ADAMTS6: variants seen among roughly 807,000 people sequenced by gnomAD.
The protein encoded by ADAMTS6 is A disintegrin and metalloproteinase with thrombospondin motifs 6.
ADAMTS6 carries 23 observed loss-of-function variants against 144.3 expected under a neutral mutation model. That is an observed-to-expected ratio of 0.16 (90% confidence interval 0.11 to 0.23). The LOEUF (loss-of-function observed/expected upper bound fraction) is 0.23, where lower values mean the gene tolerates loss of function less well. Among genes scored for constraint, ADAMTS6 ranks in the 10% least tolerant of loss-of-function variants. The pLI is 1.00. For synonymous variants in ADAMTS6, 444 were observed against 457.5 expected (o/e 0.97, Z 0.38); for missense variants, 999 against 1,379.6 (o/e 0.72, Z 4.37).
intron 9 of ADAMTS6, among the ~76,000 whole-genome samples, chr5:65,306,322 T>G (rs974271214): frequency 2.6e-5 from 4 of 152,202 alleles, no homozygotes; most frequent in Non-Finnish European, 4.4e-5. Context: ...AAGGACACTC[T>G]TAAGTGAAAA....
rs1761313129 is a variant in ADAMTS6 at position 65,262,806 on chromosome 5, T to A, written c.1766+11A>T. ...TCTTTTTGTTGGCTCCGGCTTACTT[T>A]AGCTACTTACGCTGGACTGTCACAG... On this transcript the variant is annotated intron_variant, in intron 13 of 24. Coordinates refer to ENST00000381055, the MANE Select transcript of ADAMTS6 (RefSeq NM_197941.4). 2.7e-6 allele frequency: 4 copies of A among 1,493,350 alleles called. No homozygotes were observed. In the East Asian group the frequency reaches 9.9e-5, roughly 37 times the overall value. 92.5% of individuals were successfully genotyped at this position (1,493,350 alleles called of 1,614,324 possible). A position where few individuals can be genotyped will look rare whatever the true frequency, so the allele number is the denominator to read the frequency against.
At chr5:65,232,594 C>T (rs1434699211) in intron 15 of ADAMTS6, among the ~76,000 whole-genome samples, 1 of 149,596 alleles carries the variant, frequency 6.7e-6, no homozygotes, top group Non-Finnish European at 1.5e-5. Context: ...GTTAGATAAA[C>T]TAGAAGAAAT....
rs114152605 is a variant in ADAMTS6 at position 65,180,544 on chromosome 5, T to C, written c.2910+7472A>G. ...GATTTCTCTCCATCTCTACTGCCAC[T>C]AACCTTACTTCAGACAAACATCATT... On this transcript the variant is annotated intron_variant, in intron 22 of 24. Coordinates refer to ENST00000381055, the MANE Select transcript of ADAMTS6 (RefSeq NM_197941.4). 6.5e-3 allele frequency among the ~76,000 whole-genome samples: 997 copies of C among 152,276 alleles called. 13 individuals are homozygous for C. The highest frequency in any genetic ancestry group is 0.023 in the African/African-American group (952 of 41,572).
intron 7 of ADAMTS6, among the ~76,000 whole-genome samples, chr5:65,349,934 C>G (rs745690823): frequency 6.6e-5 from 10 of 151,808 alleles, no homozygotes; most frequent in Non-Finnish European, 1.5e-4. Context: ...GTCTTATAAA[C>G]AGAATTCATT....
chr5:65,340,077 A>G (rs1298395074), intron 7 of ADAMTS6, among the ~76,000 whole-genome samples: 1 of 152,168 alleles, frequency 6.6e-6, no homozygotes, highest in Non-Finnish European at 1.5e-5. Flanking sequence ...AGGCACACAT[A>G]GTCAAATTGT....
intron 7 of ADAMTS6, among the ~76,000 whole-genome samples, chr5:65,375,865 T>G (rs1343200367): frequency 6.6e-6 from 1 of 152,154 alleles, no homozygotes; most frequent in African/African-American, 2.4e-5. Context: ...CCAACCCAAA[T>G]GTCCAACAAT....
rs1044831665 is a variant in ADAMTS6, at chr5:65,481,401, A to G, written c.-338T>C. 6.6e-6 allele frequency: 1 copy of G among 151,588 alleles called. No individual in the cohort carries two copies. Among genetic ancestry groups the G allele is most frequent in the African/African-American group, 2.4e-5 (1 of 41,344 alleles). 9.4% of individuals were successfully genotyped at this position (151,588 alleles called of 1,614,324 possible). A position where few individuals can be genotyped will look rare whatever the true frequency, so the allele number is the denominator to read the frequency against. ...TTTCAGACAATAGAGATTGCACTGGACGACTCACGTACTCCCTCTCCTCTC... is the reference window on the plus strand; with the variant it reads ...TTTCAGACAATAGAGATTGCACTGGGCGACTCACGTACTCCCTCTCCTCTC... On this transcript the variant is annotated 5_prime_UTR_variant, in exon 1 of 25. Coordinates refer to ENST00000381055, the MANE Select transcript of ADAMTS6 (RefSeq NM_197941.4).
Position 65,197,101 on chromosome 5 carries a change from C to A in ADAMTS6, c.2626G>T (p.Val876Phe). 1 of 1,614,016 alleles carries A rather than the reference C, an allele frequency of 6.2e-7. No individual in the cohort carries two copies. Among genetic ancestry groups the A allele is most frequent in the Non-Finnish European group, 8.5e-7 (1 of 1,179,932 alleles). The change falls in exon 21 of 25, where the codon GTC becomes TTC. Residue 876 changes from valine (V) to phenylalanine (F), a missense_variant. This residue lies in a region of ADAMTS6 where 619 missense variants were observed against 837.0 expected (regional missense o/e 0.74). Coordinates refer to ENST00000381055, the MANE Select transcript of ADAMTS6 (RefSeq NM_197941.4). ...TCAGGATCACAGTAATTGTTCTGGACAATGGAGTTGTCATCCAACCTTTTA... is the reference window on the plus strand; with the variant it reads ...TCAGGATCACAGTAATTGTTCTGGAAAATGGAGTTGTCATCCAACCTTTTA... ...VCKRLDDNSI[V>F]QNNYCDPDSK... is the part of the protein sequence containing the mutation.
chr5:65,216,782 TACACACACAC>T (rs10584577), intron 18 of ADAMTS6, among the ~76,000 whole-genome samples: 3 of 148,522 alleles, frequency 2.0e-5, no homozygotes, highest in Admixed American at 6.7e-5. Context: ...TTACAAGAAA[TACACACACAC>T]ACACACACAC....
intron 7 of ADAMTS6, among the ~76,000 whole-genome samples, chr5:65,353,872 C>A (rs527297786): frequency 6.6e-5 from 10 of 151,936 alleles, no homozygotes; most frequent in Admixed American, 1.3e-4. Flanking sequence ...TGCAAAAAAA[C>A]CCAAAGCTTC....
intron 7 of ADAMTS6, among the ~76,000 whole-genome samples, chr5:65,360,674 T>C (rs17826365): frequency 0.017 from 2,524 of 152,268 alleles, 51 homozygotes; most frequent in South Asian, 0.047. Context: ...ATTGTATTTG[T>C]AATCCAAAAT....
intron 15 of ADAMTS6, among the ~76,000 whole-genome samples, chr5:65,231,008 G>A (rs1036931226): frequency 6.7e-6 from 1 of 150,254 alleles, no homozygotes; most frequent in Non-Finnish European, 1.5e-5. Flanking sequence ...AAAAACAATT[G>A]ACAAGATATA....
At chr5:65,213,825 T>C (rs529189552) in intron 20 of ADAMTS6, among the ~76,000 whole-genome samples, 20 of 152,282 alleles carry the variant, frequency 1.3e-4, no homozygotes, top group Non-Finnish European at 2.2e-4. Context: ...AGGTAATGTA[T>C]TGGATGATTT....
chr5:65,379,262 A>T (rs1461952445), intron 7 of ADAMTS6, among the ~76,000 whole-genome samples: 1 of 152,210 alleles, frequency 6.6e-6, no homozygotes, highest in African/African-American at 2.4e-5. Context: ...CCTTGAAGAC[A>T]TGGTGAATCC....
chr5:65,259,326 T>C (rs185071782), intron 14 of ADAMTS6, among the ~76,000 whole-genome samples: 152 of 152,106 alleles, frequency 1.0e-3, no homozygotes, highest in Non-Finnish European at 1.9e-3. Context: ...TGAGCCAAGA[T>C]GGCGCCACTG....
Position 65,225,055 on chromosome 5 carries a change from C to T in ADAMTS6, c.2068-8G>A. 1 of 1,612,520 alleles carries T rather than the reference C, an allele frequency of 6.2e-7. No individual in the cohort carries two copies. Among genetic ancestry groups the T allele is most frequent in the South Asian group, 1.1e-5 (1 of 90,760 alleles). Reference sequence around the variant, plus strand: ...ATTATCACAGCCTACGTGCTGAAAACAGAGAGGAATATTCAGTGTGTCAAG... The same window carrying T: ...ATTATCACAGCCTACGTGCTGAAAATAGAGAGGAATATTCAGTGTGTCAAG... On this transcript the variant is annotated splice_region_variant and splice_polypyrimidine_tract_variant and intron_variant, in intron 16 of 24. Coordinates refer to ENST00000381055, the MANE Select transcript of ADAMTS6 (RefSeq NM_197941.4).
In ADAMTS6 at chr5:65,419,495, C is replaced by G. The variant is rs143268171; in HGVS notation, c.1073+31980G>C. ...GAATCATTTGTACCCCAAACCTCAGCATCACACAATATACTCAGGCAACAA... is the reference window on the plus strand; with the variant it reads ...GAATCATTTGTACCCCAAACCTCAGGATCACACAATATACTCAGGCAACAA... On this transcript the variant is annotated intron_variant, in intron 7 of 24. Transcript: ENST00000381055. Among the ~76,000 whole-genome samples, 92 of 152,256 alleles carry G rather than the reference C, an allele frequency of 6.0e-4. No homozygotes were observed. The East Asian group carries it at 0.017, about 28-fold the overall frequency.
intron 20 of ADAMTS6, among the ~76,000 whole-genome samples, chr5:65,206,302 A>G (rs1756079309): frequency 6.6e-6 from 1 of 152,250 alleles, no homozygotes; most frequent in African/African-American, 2.4e-5. Flanking sequence ...AAAATGTACA[A>G]TGTTCTGCAG....
intron 7 of ADAMTS6, among the ~76,000 whole-genome samples, chr5:65,411,659 C>T (rs1235412648): frequency 9.9e-5 from 15 of 152,144 alleles, no homozygotes; most frequent in Admixed American, 9.8e-4. Flanking sequence ...AAACATGCTG[C>T]ATCTTCTTGC....
Sources: gnomAD v4.1 joint callset for allele counts (sites outside exome capture counted in the v4.1 genomes callset) on GRCh38, gnomAD v4.1.1 for gene constraint, gnomAD v4.1.1 regional missense constraint, MANE v1.5 for transcripts, NCBI Gene and HGNC (gene_info 2026-07-23, HGNC 2026-07-21) for gene names.